NOX4: variants seen among roughly 807,000 people sequenced by gnomAD.
NOX4 encodes NADPH oxidase 4.
Under a neutral mutation model 87.6 loss-of-function variants are expected in NOX4, and 69 were observed. That is an observed-to-expected ratio of 0.79 (90% CI 0.65 to 0.96). The LOEUF (loss-of-function observed/expected upper bound fraction) is 0.96. Ranked by LOEUF, NOX4 falls within the 40% of genes least tolerant of loss-of-function variation. The probability of loss-of-function intolerance (pLI) is 0.00; values close to 1 mark genes in which losing one functional copy is unlikely to be tolerated. For missense variants in NOX4, 680 were observed against 681.5 expected (o/e 1.00, Z 0.02); for synonymous variants, 275 against 238.2 (o/e 1.15, Z -1.42).
chr11:89,445,260 A>T (rs1485798498), intron 4 of NOX4, among the ~76,000 whole-genome samples: 1 of 152,124 alleles, frequency 6.6e-6, no homozygotes, highest in Non-Finnish European at 1.5e-5. Flanking sequence ...AAAAGAAGAC[A>T]TAGCCTGGAA....
the NOX4 span, among the ~76,000 whole-genome samples, chr11:89,542,760 T>A: frequency 2.0e-5 from 3 of 152,176 alleles, no homozygotes; most frequent in Non-Finnish European, 4.4e-5. Flanking sequence ...CTCAGGTTTC[T>A]AATTAAAGTG....
rs569497141 is a variant in NOX4, at chr11:89,490,826, A to G, written c.58-273T>C. On this transcript the variant is annotated intron_variant, in intron 1 of 17. Coordinates refer to ENST00000263317, the MANE Select transcript of NOX4 (RefSeq NM_016931.5). ...GCTATCCCCTGCCGTACAAAATGAG[A>G]TTAAGAAATTAATGACATCACCATA... The G allele has an allele frequency of 4.3e-6, 3 of 699,022 alleles. No homozygotes were observed. In the South Asian group the frequency reaches 4.5e-5, roughly 11 times the overall value. 43.3% of individuals were successfully genotyped at this position (699,022 alleles called of 1,614,324 possible).
At chr11:89,409,356 G>A (rs1942356940) in intron 8 of NOX4, among the ~76,000 whole-genome samples, 1 of 152,004 alleles carries the variant, frequency 6.6e-6, no homozygotes, top group South Asian at 2.1e-4. Context: ...AAAGTATTTG[G>A]TCTATCTCCA....
chr11:89,492,467 T>C (rs1451552543), upstream of NOX4, among the ~76,000 whole-genome samples: 2 of 152,194 alleles, frequency 1.3e-5, no homozygotes, highest in African/African-American at 4.8e-5. Flanking sequence ...AAAATACTAC[T>C]ACTCTCACTA....
chr11:89,366,334 T>C (rs1023955571), intron 12 of NOX4, among the ~76,000 whole-genome samples: 1 of 151,992 alleles, frequency 6.6e-6, no homozygotes, highest in Admixed American at 6.6e-5. Flanking sequence ...CCACAATAAC[T>C]CTACTTCCAG....
intron 11 of NOX4, among the ~76,000 whole-genome samples, chr11:89,395,495 C>T (rs1473257388): frequency 1.3e-5 from 2 of 152,114 alleles, no homozygotes; most frequent in African/African-American, 2.4e-5. Flanking sequence ...TGTGCAGAAG[C>T]TCTTTAGTTT....
intron 17 of NOX4, among the ~76,000 whole-genome samples, chr11:89,333,376 T>TCA (rs774142404): frequency 1.1e-4 from 17 of 151,442 alleles, no homozygotes; most frequent in African/African-American, 3.9e-4. Flanking sequence ...TAAATATATA[T>TCA]CACACACACA....
the NOX4 span, among the ~76,000 whole-genome samples, chr11:89,531,793 C>T: frequency 6.6e-6 from 1 of 152,204 alleles, no homozygotes; most frequent in African/African-American, 2.4e-5. Flanking sequence ...GCCCAGAGGC[C>T]GAGGAGGGAA....
At chr11:89,515,244 T>C in the NOX4 span, among the ~76,000 whole-genome samples, 1 of 151,980 alleles carries the variant, frequency 6.6e-6, no homozygotes, top group East Asian at 1.9e-4. Context: ...TGTATGAGAG[T>C]TCCATTTGCT....
intron 2 of NOX4, among the ~76,000 whole-genome samples, chr11:89,472,463 T>C (rs934664700): frequency 1.3e-5 from 2 of 152,092 alleles, no homozygotes; most frequent in African/African-American, 2.4e-5. Flanking sequence ...ACCAAAAATA[T>C]ACAGTTCATA....
chr11:89,351,308 G>T (rs1946447243), intron 13 of NOX4, among the ~76,000 whole-genome samples: 1 of 152,194 alleles, frequency 6.6e-6, no homozygotes. Context: ...GAAGCTAGAA[G>T]AAGTGGTTCA....
At chr11:89,514,421 T>C in the NOX4 span, among the ~76,000 whole-genome samples, 63 of 152,154 alleles carry the variant, frequency 4.1e-4, 1 homozygote, top group South Asian at 5.0e-3. Flanking sequence ...TTTCAATATA[T>C]GTAATCAACT....
chr11:89,429,960 A>C (rs1404170796), intron 7 of NOX4, among the ~76,000 whole-genome samples: 1 of 152,190 alleles, frequency 6.6e-6, no homozygotes, highest in Non-Finnish European at 1.5e-5. Context: ...CCTCAATAAA[A>C]TACTGGCAAA....
At chr11:89,564,145 T>C in the NOX4 span, among the ~76,000 whole-genome samples, 1 of 152,170 alleles carries the variant, frequency 6.6e-6, no homozygotes, top group Non-Finnish European at 1.5e-5. Context: ...GCATGTTTCC[T>C]TAAATTGCAA....
chr11:89,411,494 A>T (rs1942475520), intron 8 of NOX4, among the ~76,000 whole-genome samples: 5 of 152,002 alleles, frequency 3.3e-5, no homozygotes, highest in Admixed American at 3.3e-4. Context: ...GGAATGCATT[A>T]TCCTGAAGTA....
intron 12 of NOX4, among the ~76,000 whole-genome samples, chr11:89,366,492 A>G (rs552331211): frequency 2.6e-4 from 40 of 151,988 alleles, no homozygotes; most frequent in Non-Finnish European, 4.3e-4. Context: ...CCTGAGCAAC[A>G]TGGCAAAACC....
At chr11:89,549,797 A>G in the NOX4 span, among the ~76,000 whole-genome samples, 2 of 152,320 alleles carry the variant, frequency 1.3e-5, no homozygotes, top group Non-Finnish European at 2.9e-5. Context: ...AGCTTCATCC[A>G]TGCCCCTGCA....
chr11:89,560,416 TTA>T, the NOX4 span, among the ~76,000 whole-genome samples: 4 of 152,134 alleles, frequency 2.6e-5, no homozygotes, highest in Non-Finnish European at 5.9e-5. Flanking sequence ...TACGTGAGTT[TTA>T]TGTCTGTAGT....
At chr11:89,432,903 A>T in intron 6 of NOX4, 47 bp from the exon 7 acceptor site, 1 of 1,211,318 alleles carries the variant, frequency 8.3e-7, no homozygotes, top group Non-Finnish European at 1.2e-6. Flanking sequence ...CATAGTGAGA[A>T]AAAAATACAA....
Sources: allele counts gnomAD v4.1 joint callset (sites outside exome capture counted in the v4.1 genomes callset), GRCh38; gene constraint gnomAD v4.1.1; transcripts MANE v1.5; gene names NCBI Gene and HGNC (gene_info 2026-07-23, HGNC 2026-07-21).